The following SESTD1 variants were observed in gnomAD, a reference collection of about 807,000 sequenced individuals.
SESTD1 encodes the protein SEC14 domain and spectrin repeat-containing protein 1.
A neutral mutation model predicts 101.7 loss-of-function variants in SESTD1; 43 were observed. The ratio of observed to expected loss-of-function variants is 0.42; its 90% CI spans 0.33 to 0.55. SESTD1 has a LOEUF of 0.55. Among genes scored for constraint, SESTD1 ranks in the 20% least tolerant of loss-of-function variants. The pLI is 0.07. For synonymous variants in SESTD1, 283 were observed against 286.8 expected (o/e 0.99, Z 0.13); for missense variants, 647 against 815.1 (o/e 0.79, Z 2.51).
intron 3 of SESTD1, among the ~76,000 whole-genome samples, chr2:179,176,974 A>C: frequency 6.6e-6 from 1 of 152,226 alleles, no homozygotes; most frequent in Admixed American, 6.5e-5. Context: ...AGTTCAAAAC[A>C]GATAGAAAAT....
rs982163339 is a variant in SESTD1 at position 179,215,533 on chromosome 2, C to A, written c.-25-23667G>T. ...AACCAAAAAAAAGTCCAGGACCAGA[C>A]GATTCACAGCCGAATTCTAACAGGG... On this transcript the variant is annotated intron_variant, in intron 1 of 17. Transcript: ENST00000428443. Among the ~76,000 whole-genome samples, 3 of 133,538 alleles carry A rather than the reference C, an allele frequency of 2.2e-5. 1 individual carries two copies. Among genetic ancestry groups the A allele is most frequent in the Non-Finnish European group, 3.2e-5 (2 of 62,330 alleles). The allele number at this position is 133,538 out of a possible 152,430, so 87.6% of individuals were successfully genotyped here. A position where few individuals can be genotyped will look rare whatever the true frequency, so the allele number is the denominator to read the frequency against.
chr2:179,196,672 TG>T lies in SESTD1; in HGVS notation c.-25-4807del, dbSNP rs573056711. On this transcript the variant is annotated intron_variant, in intron 1 of 17. Transcript: ENST00000428443. The stretch of plus-strand genomic sequence containing the variant: ...ACCCCTGACCCCCGAGCAGCCTAAC[TG>T]GGAGGCACCCCCCAGAAGGGGCAGA... Among the ~76,000 whole-genome samples, 652 of 152,192 alleles carry T rather than the reference TG, an allele frequency of 4.3e-3. 4 individuals carry two copies. The highest frequency in any genetic ancestry group is 0.015 in the African/African-American group (605 of 41,524).
At chr2:179,186,463 T>A (rs1033297623) in intron 2 of SESTD1, among the ~76,000 whole-genome samples, 3 of 152,178 alleles carry the variant, frequency 2.0e-5, no homozygotes, top group Non-Finnish European at 2.9e-5. Flanking sequence ...TCCTCCAGTG[T>A]ACTGAAACTT....
rs1447948800 is a variant in SESTD1, at chr2:179,213,665, T to G, written c.-25-21799A>C. Among the ~76,000 whole-genome samples the G allele has an allele frequency of 1.5e-5, 2 of 133,570 alleles. 1 individual carries two copies. Among genetic ancestry groups the G allele is most frequent in the Non-Finnish European group, 3.2e-5 (2 of 62,410 alleles). The allele number at this position is 133,570 out of a possible 152,430, so 87.6% of individuals were successfully genotyped here. A position where few individuals can be genotyped will look rare whatever the true frequency, so the allele number is the denominator to read the frequency against. On this transcript the variant is annotated intron_variant, in intron 1 of 17. Transcript: ENST00000428443. ...ACAAAGAATACCACAAAGATACTAC[T>G]CAACAAGAGCAACCCAAAGACACAT... is the stretch of plus-strand genomic sequence containing the variant.
At chr2:179,199,813 A>G (rs1056901179) in intron 1 of SESTD1, among the ~76,000 whole-genome samples, 4 of 152,254 alleles carry the variant, frequency 2.6e-5, no homozygotes, top group Admixed American at 2.0e-4. Context: ...TTTCAAAATA[A>G]TAAGAGCTAT....
At chr2:179,121,201 G>A (rs2044743373) in intron 13 of SESTD1, among the ~76,000 whole-genome samples, 1 of 152,158 alleles carries the variant, frequency 6.6e-6, no homozygotes, top group African/African-American at 2.4e-5. Context: ...ATGCTAGATT[G>A]TGTATATTGC....
chr2:179,104,623 G>T lies in SESTD1; in HGVS notation c.*5276C>A, dbSNP rs1239453469. On this transcript the variant is annotated 3_prime_UTR_variant, in exon 18 of 18. Transcript: ENST00000428443. ...AAGGTGCCTCCTGGAGATTCACTGG[G>T]AACTGGCTGGAGTTCAATAGCCCTT... The T allele has an allele frequency of 1.3e-5, 2 of 152,054 alleles. No homozygotes were observed. Among genetic ancestry groups the T allele is most frequent in the Non-Finnish European group, 2.9e-5 (2 of 68,000 alleles). The allele number at this position is 152,054 out of a possible 1,614,324, so 9.4% of individuals were successfully genotyped here. A position where few individuals can be genotyped will look rare whatever the true frequency, so the allele number is the denominator to read the frequency against.
intron 1 of SESTD1, among the ~76,000 whole-genome samples, chr2:179,196,233 C>T (rs964925108): frequency 6.6e-6 from 1 of 152,206 alleles, no homozygotes; most frequent in Non-Finnish European, 1.5e-5. Flanking sequence ...CCACTCGAAT[C>T]CTGCGCTTTT....
Position 179,139,194 on chromosome 2 carries a change from A to G in SESTD1, c.849+4398T>C, listed in dbSNP as rs548235405. 1.1e-4 allele frequency among the ~76,000 whole-genome samples: 16 copies of G among 152,206 alleles called. 1 individual carries two copies. In the South Asian group the frequency reaches 3.3e-3, roughly 32 times the overall value. ...TGATAATTTCACTCTTCGATTCCCCACAAAGAAAATGTTTAATCACCTCCA... is the reference window on the plus strand; with the variant it reads ...TGATAATTTCACTCTTCGATTCCCCGCAAAGAAAATGTTTAATCACCTCCA... On this transcript the variant is annotated intron_variant, in intron 9 of 17. Coordinates refer to ENST00000428443, the MANE Select transcript of SESTD1 (RefSeq NM_178123.5).
At chr2:179,167,353 G>T (rs1425296391) in intron 5 of SESTD1, among the ~76,000 whole-genome samples, 2 of 151,994 alleles carry the variant, frequency 1.3e-5, no homozygotes, top group African/African-American at 4.8e-5. Context: ...AAGACACAGG[G>T]ATAAAAATAA....
intron 1 of SESTD1, among the ~76,000 whole-genome samples, chr2:179,235,518 A>G (rs527768924): frequency 9.2e-5 from 14 of 152,322 alleles, no homozygotes; most frequent in Admixed American, 5.9e-4. Context: ...CCAAACCCAC[A>G]TACGTATTAT....
intron 1 of SESTD1, among the ~76,000 whole-genome samples, chr2:179,246,869 G>C (rs1312890233): frequency 2.0e-5 from 3 of 152,232 alleles, no homozygotes; most frequent in East Asian, 1.9e-4. Flanking sequence ...AGGTGGCAGA[G>C]TGAAAGTAGG....
intron 8 of SESTD1, among the ~76,000 whole-genome samples, chr2:179,145,976 T>C (rs1364124933): frequency 6.6e-6 from 1 of 152,134 alleles, no homozygotes; most frequent in Non-Finnish European, 1.5e-5. Flanking sequence ...TTATTATTAA[T>C]TTTTAAAAAT....
chr2:179,209,665 A>C lies in SESTD1; in HGVS notation c.-25-17799T>G. On this transcript the variant is annotated intron_variant, in intron 1 of 17. Transcript: ENST00000428443. ...AGAAAAAATTTCTTTGAACTGAACA[A>C]TAATAGCGACACAACCTATCAACAC... Among the ~76,000 whole-genome samples the C allele has an allele frequency of 1.5e-5, 2 of 134,358 alleles. 1 individual carries two copies. The highest frequency in any genetic ancestry group is 5.6e-4 in the South Asian group (2 of 3,556). The allele number at this position is 134,358 out of a possible 152,430, so 88.1% of individuals were successfully genotyped here.
At position 179,247,636 on chromosome 2, in the gene SESTD1, C is replaced by T. The variant is rs150535784; in HGVS notation, c.-26+16863G>A. 4.3e-3 allele frequency among the ~76,000 whole-genome samples: 648 copies of T among 150,976 alleles called. 4 individuals carry two copies. The highest frequency in any genetic ancestry group is 0.015 in the African/African-American group (601 of 41,100). The stretch of plus-strand genomic sequence containing the variant: ...TTCTTTTTTTGTAGAGACAAGATCT[C>T]GTTATGTTGCCTAGGCAGGTCTTGA... On this transcript the variant is annotated intron_variant, in intron 1 of 17. Coordinates refer to ENST00000428443, the MANE Select transcript of SESTD1 (RefSeq NM_178123.5).
intron 2 of SESTD1, among the ~76,000 whole-genome samples, chr2:179,185,978 G>A (rs1029873446): frequency 1.3e-3 from 178 of 139,094 alleles, no homozygotes; most frequent in Non-Finnish European, 2.3e-3. Flanking sequence ...ATACAATATA[G>A]TATATTATAT....
chr2:179,167,612 G>A (rs2045856960), intron 5 of SESTD1, among the ~76,000 whole-genome samples: 1 of 149,416 alleles, frequency 6.7e-6, no homozygotes, highest in Non-Finnish European at 1.5e-5. Flanking sequence ...AAATCAAAAT[G>A]AAAAATCTTG....
chr2:179,235,017 T>C (rs1559155476), intron 1 of SESTD1, among the ~76,000 whole-genome samples: 1 of 150,918 alleles, frequency 6.6e-6, no homozygotes, highest in South Asian at 2.1e-4. Context: ...TTAAGGAACC[T>C]AAAGAGACAT....
chr2:179,234,829 C>G (rs1329308157), intron 1 of SESTD1, among the ~76,000 whole-genome samples: 2 of 151,770 alleles, frequency 1.3e-5, no homozygotes, highest in Non-Finnish European at 2.9e-5. Flanking sequence ...CATTTATCAG[C>G]TGGGCACAGT....
Sources: gnomAD v4.1 joint callset for allele counts (sites outside exome capture counted in the v4.1 genomes callset) on GRCh38, gnomAD v4.1.1 for gene constraint, MANE v1.5 for transcripts, NCBI Gene and HGNC (gene_info 2026-07-23, HGNC 2026-07-21) for gene names.